The following ACSS3 variants were observed in gnomAD, a reference collection of about 807,000 sequenced individuals.
ACSS3 encodes the protein acyl-CoA synthetase short chain family member 3.
In ACSS3, 64 loss-of-function variants were observed where a neutral mutation model predicts 84.2. The observed-to-expected ratio is 0.76, with a 90% CI of 0.62 to 0.94. The LOEUF (loss-of-function observed/expected upper bound fraction) is 0.94, where lower values mean the gene tolerates loss of function less well. Among genes scored for constraint, ACSS3 ranks in the 40% least tolerant of loss-of-function variants. The pLI is 0.00. For missense variants in ACSS3, 815 were observed against 867.6 expected, an observed-to-expected ratio of 0.94 and a Z score of 0.76; for synonymous variants, 317 against 310.1, an observed-to-expected ratio of 1.02 and a Z score of -0.23.
At chr12:81,084,135 C>A (rs570015860) in intron 1 of ACSS3, among the ~76,000 whole-genome samples, 1 of 152,168 alleles carries the variant, frequency 6.6e-6, no homozygotes, top group Non-Finnish European at 1.5e-5. Context: ...CTGTCCCAGC[C>A]ATTAACTTTT....
chr12:81,173,344 G>C (rs1487983470), intron 7 of ACSS3, among the ~76,000 whole-genome samples: 1 of 152,088 alleles, frequency 6.6e-6, no homozygotes, highest in Non-Finnish European at 1.5e-5. Context: ...TAGTGCTTTA[G>C]ACTAAACAGT....
chr12:81,122,960 C>G (rs1168364320), intron 2 of ACSS3, among the ~76,000 whole-genome samples: 6 of 152,046 alleles, frequency 3.9e-5, no homozygotes, highest in Non-Finnish European at 4.4e-5. Context: ...ATCTATTTCT[C>G]TATATATCTA....
At chr12:81,122,536 T>G (rs1884717670) in intron 2 of ACSS3, among the ~76,000 whole-genome samples, 1 of 152,164 alleles carries the variant, frequency 6.6e-6, no homozygotes, top group East Asian at 1.9e-4. Context: ...TGTGAGGCAA[T>G]TATTACTATC....
intron 11 of ACSS3, among the ~76,000 whole-genome samples, chr12:81,226,158 T>C (rs1193392936): frequency 6.6e-6 from 1 of 151,928 alleles, no homozygotes; most frequent in African/African-American, 2.4e-5. Flanking sequence ...ACATCTTAAT[T>C]ACTAAGTTCC....
rs758183436 is a variant in ACSS3, at chr12:81,231,054, A to G, written c.1515-3A>G. On this transcript the variant is annotated splice_region_variant and splice_polypyrimidine_tract_variant and intron_variant, in intron 11 of 15. Coordinates refer to ENST00000548058, the MANE Select transcript of ACSS3 (RefSeq NM_024560.4). ...AATTTTAACTTCTCTGTTTTTATAT[A>G]AGGTTACCATTGCCACCTGGGGCTT... The G allele has an allele frequency of 1.9e-6, 3 of 1,607,082 alleles. No individual in the cohort carries two copies. Among genetic ancestry groups the G allele is most frequent in the East Asian group, 2.2e-5 (1 of 44,726 alleles).
chr12:81,246,848 C>T (rs533371313), intron 13 of ACSS3, among the ~76,000 whole-genome samples: 1 of 151,990 alleles, frequency 6.6e-6, no homozygotes, highest in Non-Finnish European at 1.5e-5. Context: ...GGCTTAGTAC[C>T]TGGGTGATGA....
chr12:81,081,451 GTC>G (rs1358832742), intron 1 of ACSS3, among the ~76,000 whole-genome samples: 1 of 152,122 alleles, frequency 6.6e-6, no homozygotes, highest in East Asian at 1.9e-4. Flanking sequence ...GGGTAATAAA[GTC>G]TCTATTAGAG....
In ACSS3 at chr12:81,259,206, A is replaced by G. The variant is rs1437768244; in HGVS notation, c.*4284A>G. On this transcript the variant is annotated 3_prime_UTR_variant, in exon 16 of 16. Coordinates refer to ENST00000548058, the MANE Select transcript of ACSS3 (RefSeq NM_024560.4). ...ACTATTAACAATCCAAAAACTGTAA[A>G]AATGGTGGAATGGTAAAATACAAAC... 1 of 230,014 alleles carries G rather than the reference A, an allele frequency of 4.3e-6. No homozygotes were observed. The highest frequency in any genetic ancestry group is 8.6e-6 in the Non-Finnish European group (1 of 116,018). 14.2% of individuals were successfully genotyped at this position (230,014 alleles called of 1,614,324 possible).
At chr12:81,174,108 T>C (rs540516970) in intron 7 of ACSS3, among the ~76,000 whole-genome samples, 1 of 152,296 alleles carries the variant, frequency 6.6e-6, no homozygotes, top group Non-Finnish European at 1.5e-5. Flanking sequence ...TACTGACTTA[T>C]TTCAGTAACT....
At chr12:81,210,241 C>A (rs546054597) in intron 9 of ACSS3, among the ~76,000 whole-genome samples, 224 of 152,226 alleles carry the variant, frequency 1.5e-3, no homozygotes, top group Non-Finnish European at 1.4e-3. Flanking sequence ...AGATTAAAAT[C>A]CATCTTCTGT....
intron 8 of ACSS3, among the ~76,000 whole-genome samples, chr12:81,189,087 C>T (rs7487040): frequency 0.64 from 97,147 of 151,890 alleles, 31,902 homozygotes; most frequent in Non-Finnish European, 0.72. Flanking sequence ...CCTCCAACCA[C>T]CCTGGCTGCT....
At chr12:81,150,895 A>G (rs1279712783) in intron 5 of ACSS3, among the ~76,000 whole-genome samples, 1 of 151,678 alleles carries the variant, frequency 6.6e-6, no homozygotes. Flanking sequence ...TTTTTTTTGC[A>G]TAAGAGCAGT....
At chr12:81,104,007 G>A (rs1324612051) in intron 1 of ACSS3, among the ~76,000 whole-genome samples, 1 of 152,138 alleles carries the variant, frequency 6.6e-6, no homozygotes, top group Non-Finnish European at 1.5e-5. Flanking sequence ...TACAGTAAAA[G>A]ATTGATAAAT....
chr12:81,078,008 C>A, upstream of ACSS3: 3 of 1,249,410 alleles, frequency 2.4e-6, no homozygotes, highest in Non-Finnish European at 3.2e-6. Flanking sequence ...AACTTCTGGG[C>A]TCTGGGCTCA....
chr12:81,134,643 A>G (rs962963163), intron 2 of ACSS3, among the ~76,000 whole-genome samples, 173 bp from the exon 3 acceptor site: 3 of 152,190 alleles, frequency 2.0e-5, no homozygotes, highest in Non-Finnish European at 4.4e-5. Flanking sequence ...TTATAATACA[A>G]TTGTTATTAC....
intron 9 of ACSS3, chr12:81,199,745 T>G (rs2032016227): frequency 8.1e-7 from 1 of 1,235,946 alleles, no homozygotes; most frequent in Non-Finnish European, 1.1e-6. Flanking sequence ...TCCTTTGAAG[T>G]GTCTGTTGGG....
intron 1 of ACSS3, among the ~76,000 whole-genome samples, chr12:81,079,486 G>T (rs1209263724): frequency 6.6e-6 from 1 of 152,174 alleles, no homozygotes; most frequent in East Asian, 1.9e-4. Context: ...CAAGAAATCT[G>T]GAATGGAATT....
rs2034292301 is a variant in ACSS3 at position 81,256,249 on chromosome 12, A to G, written c.*1327A>G. 1 of 152,338 alleles carries G rather than the reference A, an allele frequency of 6.6e-6. No individual in the cohort carries two copies. Among genetic ancestry groups the G allele is most frequent in the East Asian group, 1.9e-4 (1 of 5,172 alleles). The allele number at this position is 152,338 out of a possible 1,614,324, so 9.4% of individuals were successfully genotyped here. ...GCCTCTGTTTTTTTAAAGAGAAAAC[A>G]AAGAATCCTGGTTTTTATGTGAAAT... On this transcript the variant is annotated 3_prime_UTR_variant, in exon 16 of 16. Coordinates refer to ENST00000548058, the MANE Select transcript of ACSS3 (RefSeq NM_024560.4).
intron 8 of ACSS3, among the ~76,000 whole-genome samples, chr12:81,182,890 C>T (rs1185627134): frequency 6.6e-6 from 1 of 152,198 alleles, no homozygotes; most frequent in East Asian, 1.9e-4. Context: ...AAATGCTTGT[C>T]AAATGCACAT....
Sources: allele counts gnomAD v4.1 joint callset (sites outside exome capture counted in the v4.1 genomes callset), GRCh38; gene constraint gnomAD v4.1.1; transcripts MANE v1.5; gene names NCBI Gene and HGNC (gene_info 2026-07-23, HGNC 2026-07-21).